The following GATAD2B variants were observed in gnomAD, a reference collection of about 807,000 sequenced individuals.
GATAD2B encodes transcriptional repressor p66-beta.
In GATAD2B, 8 loss-of-function variants were observed where a neutral mutation model predicts 64.3. The ratio of observed to expected loss-of-function variants is 0.12; its 90% CI spans 0.07 to 0.22. The LOEUF (loss-of-function observed/expected upper bound fraction) is 0.22. GATAD2B is among the 10% of genes least tolerant of loss of function. The probability of loss-of-function intolerance (pLI) is 1.00; values close to 1 mark genes in which losing one functional copy is unlikely to be tolerated. For missense variants in GATAD2B, 453 were observed against 752.0 expected (o/e 0.60, Z 4.65); for synonymous variants, 281 against 271.3 (o/e 1.04, Z -0.35).
chr1:153,884,653 A>C (rs1393154925), intron 1 of GATAD2B, among the ~76,000 whole-genome samples: 1 of 152,228 alleles, frequency 6.6e-6, no homozygotes, highest in Non-Finnish European at 1.5e-5. Context: ...TCAAGTTGTG[A>C]TACCCTAAAG....
chr1:153,847,150 G>C (rs1024217776), intron 1 of GATAD2B, among the ~76,000 whole-genome samples: 9 of 150,808 alleles, frequency 6.0e-5, no homozygotes, highest in African/African-American at 2.2e-4. Context: ...TATTTTTAGT[G>C]GAGACAGGGT....
At chr1:153,852,889 G>T (rs149377677) in intron 1 of GATAD2B, 27 of 774,094 alleles carry the variant, frequency 3.5e-5, no homozygotes, top group Non-Finnish European at 4.2e-5. Context: ...TTTGGTGAGC[G>T]CATGTTCCAA....
chr1:153,826,940 TAAAAA>T (rs35916476), intron 2 of GATAD2B, among the ~76,000 whole-genome samples: 2 of 137,350 alleles, frequency 1.5e-5, no homozygotes, highest in African/African-American at 5.4e-5. Flanking sequence ...GACCCTATCT[TAAAAA>T]AAAAAAAAAA....
chr1:153,828,223 C>T lies in GATAD2B; in HGVS notation c.125G>A (p.Arg42His), dbSNP rs1347107092. ...LKMEGHEAME[R>H]LKMLALLKRK... The stretch of plus-strand genomic sequence containing the variant: ...TTTGAGCAATGCCAACATTTTCAGA[C>T]GTTCCATGGCCTCATGCCCCTCCAT... The change falls in exon 2 of 11, where the codon CGT (arginine) becomes CAT (histidine). Residue 42 changes from arginine (R) to histidine (H), a missense_variant. Arg to His is a conservative substitution (Grantham distance 29, BLOSUM62 0). Around this residue, in one of 2 missense-constraint regions of GATAD2B, gnomAD observed 293 missense variants for 417.2 expected, o/e 0.70. Coordinates refer to ENST00000368655, the MANE Select transcript of GATAD2B (RefSeq NM_020699.4). 11 of 1,614,214 alleles carry T rather than the reference C, an allele frequency of 6.8e-6. No individual in the cohort carries two copies. Among genetic ancestry groups the T allele is most frequent in the East Asian group, 2.2e-5 (1 of 44,890 alleles).
At chr1:153,829,942 A>T (rs1311422797) in intron 1 of GATAD2B, among the ~76,000 whole-genome samples, 1 of 152,024 alleles carries the variant, frequency 6.6e-6, no homozygotes, top group Non-Finnish European at 1.5e-5. Flanking sequence ...TGCACTAAAA[A>T]TACTAAAATT....
At chr1:153,848,109 T>A (rs1675752216) in intron 1 of GATAD2B, among the ~76,000 whole-genome samples, 1 of 152,058 alleles carries the variant, frequency 6.6e-6, no homozygotes, top group South Asian at 2.1e-4. Context: ...CCCCTCACCA[T>A]ACCAACTTGG....
intron 1 of GATAD2B, among the ~76,000 whole-genome samples, chr1:153,909,947 C>CAAA (rs34780134): frequency 6.0e-4 from 61 of 101,088 alleles, no homozygotes; most frequent in African/African-American, 2.0e-3. Flanking sequence ...GACTCCATCT[C>CAAA]AAAAAAAAAA....
chr1:153,889,743 A>C, intron 1 of GATAD2B: 1 of 373,690 alleles, frequency 2.7e-6, no homozygotes, highest in South Asian at 1.1e-4. Flanking sequence ...GAATAGCAAA[A>C]TGTTAGTAAT....
chr1:153,817,378 A>G lies in GATAD2B; in HGVS notation c.894T>C (p.Tyr298=), dbSNP rs2101880630. The change falls in exon 6 of 11, where the codon TAT becomes TAC. Residue 298 remains tyrosine, a synonymous_variant. Transcript: ENST00000368655. ...TTPNMNPAIN[Y]QPQSSSSVPC... ...GGGCTCAGCTCTCTCTTACCGGTTGATAATTGATGGCGGGATTCATGTTGG... is the reference window on the plus strand; with the variant it reads ...GGGCTCAGCTCTCTCTTACCGGTTGGTAATTGATGGCGGGATTCATGTTGG... 4 of 1,566,044 alleles carry G rather than the reference A, an allele frequency of 2.6e-6. No homozygotes were observed. Among genetic ancestry groups the G allele is most frequent in the Non-Finnish European group, 3.5e-6 (4 of 1,158,604 alleles).
intron 2 of GATAD2B, among the ~76,000 whole-genome samples, chr1:153,825,722 A>T (rs909252443): frequency 6.6e-6 from 1 of 151,972 alleles, no homozygotes; most frequent in Non-Finnish European, 1.5e-5. Context: ...CCGCTTACTA[A>T]GAGTTTTTAA....
chr1:153,840,749 T>C (rs1336121600), intron 1 of GATAD2B, among the ~76,000 whole-genome samples: 1 of 152,224 alleles, frequency 6.6e-6, no homozygotes, highest in Middle Eastern at 3.2e-3. Flanking sequence ...ATGTTTCCAC[T>C]ATTTTTTCTG....
At chr1:153,839,383 T>C (rs926810225) in intron 1 of GATAD2B, among the ~76,000 whole-genome samples, 9 of 152,072 alleles carry the variant, frequency 5.9e-5, no homozygotes, top group Non-Finnish European at 1.0e-4. Context: ...AATTAACATA[T>C]ATAGGAGTAC....
chr1:153,840,518 G>T (rs1263242331), intron 1 of GATAD2B, among the ~76,000 whole-genome samples: 1 of 150,064 alleles, frequency 6.7e-6, no homozygotes, highest in Non-Finnish European at 1.5e-5. Context: ...TGTATTTTTA[G>T]TAGAGACAGG....
chr1:153,841,669 G>A (rs1341725280), intron 1 of GATAD2B, among the ~76,000 whole-genome samples: 3 of 152,166 alleles, frequency 2.0e-5, no homozygotes, highest in Non-Finnish European at 4.4e-5. Context: ...CCATGGTATG[G>A]ATGTACCATG....
At position 153,815,556 on chromosome 1, in the gene GATAD2B, G is replaced by A. The variant is rs114058800; in HGVS notation, c.1216+717C>T. On this transcript the variant is annotated intron_variant, in intron 7 of 10. Transcript: ENST00000368655. ...TCACAGTTTCTAAGAAACTATTGAT[G>A]ATGTTAAGTGAGAACTTACTGTCCT... 8.7e-3 allele frequency among the ~76,000 whole-genome samples: 1,327 copies of A among 151,724 alleles called. 14 individuals are homozygous for A. The highest frequency in any genetic ancestry group is 0.031 in the African/African-American group (1,278 of 41,358).
intron 2 of GATAD2B, among the ~76,000 whole-genome samples, chr1:153,827,288 A>G (rs1330538546): frequency 6.6e-6 from 1 of 151,316 alleles, no homozygotes; most frequent in Non-Finnish European, 1.5e-5. Flanking sequence ...TAAAAAACAA[A>G]AAGAAAAAAA....
At chr1:153,811,658 AGG>A in intron 10 of GATAD2B, 71 bp downstream of exon 10, 1 of 870,448 alleles carries the variant, frequency 1.1e-6, no homozygotes, top group South Asian at 1.4e-5. Flanking sequence ...ATTCCCTTAA[AGG>A]GGCTGCTACA....
rs1674078487 is a variant in GATAD2B at position 153,805,286 on chromosome 1, G to T, written c.*4891C>A. 6.6e-6 allele frequency: 1 copy of T among 152,188 alleles called. No homozygotes were observed. The allele number at this position is 152,188 out of a possible 1,614,324, so 9.4% of individuals were successfully genotyped here. On this transcript the variant is annotated 3_prime_UTR_variant, in exon 11 of 11. Coordinates refer to ENST00000368655, the MANE Select transcript of GATAD2B (RefSeq NM_020699.4). ...TCTGAGGAAAGGAGACAAAATGTGG[G>T]CTGTGTCTGCGCTCTCCTATTTTAT...
At chr1:153,881,166 C>T (rs1252851797) in intron 1 of GATAD2B, among the ~76,000 whole-genome samples, 2 of 152,098 alleles carry the variant, frequency 1.3e-5, no homozygotes, top group East Asian at 1.9e-4. Flanking sequence ...AGCGCGCGCA[C>T]ATTCTCATTG....
Sources: allele counts gnomAD v4.1 joint callset (sites outside exome capture counted in the v4.1 genomes callset), GRCh38; gene constraint gnomAD v4.1.1; regional missense constraint gnomAD v4.1.1; transcripts MANE v1.5; gene names NCBI Gene and HGNC (gene_info 2026-07-23, HGNC 2026-07-21).